RNF13: variants seen among roughly 807,000 people sequenced by gnomAD.
The protein encoded by RNF13 is E3 ubiquitin-protein ligase RNF13.
RNF13 carries 19 observed loss-of-function variants against 37.7 expected under a neutral mutation model. The ratio of observed to expected loss-of-function variants is 0.50; its 90% CI spans 0.35 to 0.74. The LOEUF (loss-of-function observed/expected upper bound fraction) is 0.74. Among genes scored for constraint, RNF13 ranks in the 30% least tolerant of loss-of-function variants. The pLI, the probability that RNF13 is intolerant of heterozygous loss-of-function variation, is 0.01. For synonymous variants in RNF13, 144 were observed against 157.8 expected (o/e 0.91, Z 0.65); for missense variants, 375 against 453.0 (o/e 0.83, Z 1.56).
At chr3:149,930,350 T>C (rs1283192838) in intron 8 of RNF13, among the ~76,000 whole-genome samples, 1 of 152,222 alleles carries the variant, frequency 6.6e-6, no homozygotes, top group Non-Finnish European at 1.5e-5. Context: ...AGTTTGTTGG[T>C]ATCCAAAAAA....
chr3:149,818,158 G>A (rs999317387), intron 1 of RNF13, among the ~76,000 whole-genome samples: 7 of 152,124 alleles, frequency 4.6e-5, no homozygotes, highest in African/African-American at 1.7e-4. Flanking sequence ...TACTACTTAG[G>A]GGTTTTTCTG....
chr3:149,832,002 A>T (rs1300243366), intron 1 of RNF13, among the ~76,000 whole-genome samples: 1 of 152,308 alleles, frequency 6.6e-6, no homozygotes, highest in South Asian at 2.1e-4. Flanking sequence ...ACTGGCTATT[A>T]TAAATTTTCC....
At chr3:149,911,362 AAAC>A (rs1223404276) in intron 6 of RNF13, among the ~76,000 whole-genome samples, 2 of 152,306 alleles carry the variant, frequency 1.3e-5, no homozygotes, top group African/African-American at 4.8e-5. Flanking sequence ...TAAATTCAAT[AAAC>A]AACATCTCTA....
intron 1 of RNF13, among the ~76,000 whole-genome samples, chr3:149,831,216 G>T (rs1437944912): frequency 6.6e-6 from 1 of 152,210 alleles, no homozygotes; most frequent in Non-Finnish European, 1.5e-5. Context: ...GTGAGAAGCA[G>T]GCCACTGTTC....
At chr3:149,873,582 G>A (rs1198551240) in intron 4 of RNF13, among the ~76,000 whole-genome samples, 1 of 152,078 alleles carries the variant, frequency 6.6e-6, no homozygotes, top group East Asian at 1.9e-4. Context: ...TCAACTGGCT[G>A]TGCCATGCTG....
At chr3:149,899,929 C>T (rs1045082275) in intron 5 of RNF13, among the ~76,000 whole-genome samples, 2 of 152,142 alleles carry the variant, frequency 1.3e-5, no homozygotes, top group Non-Finnish European at 2.9e-5. Context: ...ATTGGATATA[C>T]GAATCTGGAG....
chr3:149,878,078 A>G (rs1712954804), intron 4 of RNF13, among the ~76,000 whole-genome samples: 2 of 152,206 alleles, frequency 1.3e-5, no homozygotes, highest in Admixed American at 1.3e-4. Context: ...ATTCTAATCT[A>G]ATGAAGCAGT....
At chr3:149,842,351 C>T (rs1320696039) in intron 1 of RNF13, among the ~76,000 whole-genome samples, 3 of 152,202 alleles carry the variant, frequency 2.0e-5, no homozygotes, top group African/African-American at 7.2e-5. Flanking sequence ...CCTGTTTCAT[C>T]TGTTGGCATC....
chr3:149,894,245 GT>G (rs1366472490), intron 4 of RNF13, among the ~76,000 whole-genome samples: 2 of 152,252 alleles, frequency 1.3e-5, no homozygotes, highest in Admixed American at 1.3e-4. Context: ...TGGTGGGATA[GT>G]TTTAGAGAAG....
At chr3:149,823,374 C>G (rs535713016) in intron 1 of RNF13, among the ~76,000 whole-genome samples, 6 of 152,098 alleles carry the variant, frequency 3.9e-5, no homozygotes, top group Admixed American at 3.3e-4. Context: ...TATAATTTCA[C>G]CTAACACCAA....
chr3:149,944,815 T>G (rs964693824), intron 8 of RNF13, among the ~76,000 whole-genome samples: 73 of 152,340 alleles, frequency 4.8e-4, no homozygotes, highest in African/African-American at 1.8e-3. Flanking sequence ...TTTGTTTAGT[T>G]AGATCCCATT....
intron 6 of RNF13, among the ~76,000 whole-genome samples, chr3:149,906,315 ACATGTG>A (rs1257375280): frequency 2.0e-5 from 3 of 151,794 alleles, no homozygotes; most frequent in African/African-American, 7.3e-5. Context: ...ACAAATTTTT[ACATGTG>A]CATATGTTTT....
intron 2 of RNF13, among the ~76,000 whole-genome samples, chr3:149,847,815 G>A (rs1011223782): frequency 6.6e-6 from 1 of 152,078 alleles, no homozygotes; most frequent in South Asian, 2.1e-4. Flanking sequence ...CTTCCATTTT[G>A]TGTCTCTCTT....
chr3:149,960,926 T>C lies in RNF13; in HGVS notation c.968T>C (p.Phe323Ser). 6.2e-7 allele frequency: 1 copy of C among 1,614,194 alleles called. No individual in the cohort carries two copies. Among genetic ancestry groups the C allele is most frequent in the Non-Finnish European group, 8.5e-7 (1 of 1,180,026 alleles). ...RPLASVSAQS[F>S]GALSESRSHQ... Reference sequence around the variant, plus strand: ...TTAGCTTCTGTCAGTGCCCAGTCATTTGGGGCTTTATCGGAATCCCGCTCA... The same window carrying C: ...TTAGCTTCTGTCAGTGCCCAGTCATCTGGGGCTTTATCGGAATCCCGCTCA... The change falls in exon 10 of 10, where the codon TTT becomes TCT. Residue 323 changes from phenylalanine to serine, a missense_variant. Physicochemically the swap from Phe to Ser is radical, Grantham distance 155 (BLOSUM62 -2). Transcript: ENST00000392894.
chr3:149,823,063 A>G lies in RNF13; in HGVS notation c.-17+9710A>G, dbSNP rs564428114. Among the ~76,000 whole-genome samples the G allele has an allele frequency of 2.6e-5, 4 of 152,252 alleles. No individual in the cohort carries two copies. In the South Asian group the frequency reaches 8.3e-4, roughly 32 times the overall value. The stretch of plus-strand genomic sequence containing the variant: ...ACTTGGATGATTTGGGAAGGGCAGT[A>G]TTTCATGACACAGACTTTTAATTGA... On this transcript the variant is annotated intron_variant, in intron 1 of 9. Transcript: ENST00000392894.
chr3:149,949,496 G>A (rs1288488930), intron 8 of RNF13, among the ~76,000 whole-genome samples: 1 of 148,532 alleles, frequency 6.7e-6, no homozygotes, highest in East Asian at 2.0e-4. Context: ...ATGATTATAT[G>A]TCTCAGTGTA....
At chr3:149,905,135 G>A (rs1202259629) in intron 6 of RNF13, among the ~76,000 whole-genome samples, 1 of 152,152 alleles carries the variant, frequency 6.6e-6, no homozygotes, top group Non-Finnish European at 1.5e-5. Context: ...GGGATTGCTA[G>A]TTCAGAGTTT....
intron 6 of RNF13, among the ~76,000 whole-genome samples, chr3:149,907,052 A>C (rs16862294): frequency 2.6e-5 from 4 of 152,136 alleles, no homozygotes; most frequent in African/African-American, 7.2e-5. Context: ...ATTGTTTGCT[A>C]TCATAAGTGG....
intron 4 of RNF13, among the ~76,000 whole-genome samples, chr3:149,889,305 G>GTGTGTA (rs2108479616): frequency 6.7e-6 from 1 of 148,986 alleles, no homozygotes; most frequent in East Asian, 2.0e-4. Context: ...GTGTGTGTGT[G>GTGTGTA]TGTGTGTGTG....
Sources: allele counts gnomAD v4.1 joint callset (sites outside exome capture counted in the v4.1 genomes callset), GRCh38; gene constraint gnomAD v4.1.1; transcripts MANE v1.5; gene names NCBI Gene and HGNC (gene_info 2026-07-23, HGNC 2026-07-21).